Variants in SNTG1 observed in about 807,000 individuals in gnomAD.
SNTG1 encodes the protein gamma-1-syntrophin.
In SNTG1, 39 loss-of-function variants were observed where a neutral mutation model predicts 74.7. That is an observed-to-expected ratio of 0.52 (90% confidence interval 0.40 to 0.68). SNTG1 has a LOEUF of 0.68. Among genes scored for constraint, SNTG1 ranks in the 30% least tolerant of loss-of-function variants. The probability of loss-of-function intolerance (pLI) is 0.00; values close to 1 mark genes in which losing one functional copy is unlikely to be tolerated. For synonymous variants in SNTG1, 254 were observed against 217.1 expected (o/e 1.17, Z -1.49); for missense variants, 685 against 609.5 (o/e 1.12, Z -1.30).
intron 1 of SNTG1, among the ~76,000 whole-genome samples, chr8:49,990,478 C>A (rs933039321): frequency 5.9e-5 from 9 of 151,798 alleles, no homozygotes; most frequent in African/African-American, 2.2e-4. Flanking sequence ...CAAAAAAATC[C>A]CCTAAAAGAA....
chr8:50,182,992 C>A, intron 2 of SNTG1, among the ~76,000 whole-genome samples: 1 of 152,092 alleles, frequency 6.6e-6, no homozygotes, highest in Non-Finnish European at 1.5e-5. Context: ...TCACTGATGC[C>A]GCATACCAAG....
intron 4 of SNTG1, among the ~76,000 whole-genome samples, chr8:50,426,314 G>A (rs1458096398): frequency 1.3e-5 from 2 of 152,066 alleles, no homozygotes; most frequent in Non-Finnish European, 2.9e-5. Flanking sequence ...GGTCAATGAA[G>A]GGCCACATAT....
At chr8:50,207,350 G>A (rs995875344) in intron 2 of SNTG1, among the ~76,000 whole-genome samples, 1 of 152,148 alleles carries the variant, frequency 6.6e-6, no homozygotes, top group Admixed American at 6.5e-5. Flanking sequence ...TAGTTTATTT[G>A]CATAGAGGTG....
At chr8:50,346,365 C>A (rs2091477506) in intron 2 of SNTG1, among the ~76,000 whole-genome samples, 2 of 152,264 alleles carry the variant, frequency 1.3e-5, no homozygotes, top group Non-Finnish European at 2.9e-5. Flanking sequence ...ACAAACTGTG[C>A]CCGTATCAGA....
chr8:50,192,170 GT>G (rs1429980680), intron 2 of SNTG1, among the ~76,000 whole-genome samples: 1 of 152,108 alleles, frequency 6.6e-6, no homozygotes, highest in East Asian at 1.9e-4. Context: ...TTTTGTTGTT[GT>G]TTTGTTGTTT....
At chr8:50,265,608 G>A (rs900922550) in intron 2 of SNTG1, among the ~76,000 whole-genome samples, 1 of 151,968 alleles carries the variant, frequency 6.6e-6, no homozygotes, top group Non-Finnish European at 1.5e-5. Context: ...AATTTGACAG[G>A]AAGTTCTAGT....
intron 17 of SNTG1, among the ~76,000 whole-genome samples, chr8:50,750,887 C>T (rs1434227703): frequency 6.6e-6 from 1 of 151,834 alleles, no homozygotes; most frequent in Non-Finnish European, 1.5e-5. Flanking sequence ...TCCACAAAAG[C>T]CCTGAGGTAT....
chr8:49,933,054 T>A (rs901800036), intron 1 of SNTG1, among the ~76,000 whole-genome samples: 2 of 152,172 alleles, frequency 1.3e-5, no homozygotes, highest in East Asian at 3.9e-4. Context: ...CCCACTTTTT[T>A]ATTATTATGA....
intron 2 of SNTG1, among the ~76,000 whole-genome samples, chr8:50,263,971 C>T (rs371060102): frequency 6.6e-6 from 1 of 152,122 alleles, no homozygotes; most frequent in Admixed American, 6.5e-5. Flanking sequence ...AAAATTAAAA[C>T]CATCAATTGT....
chr8:50,790,207 C>T (rs907542209), intron 18 of SNTG1, among the ~76,000 whole-genome samples: 8 of 151,938 alleles, frequency 5.3e-5, no homozygotes, highest in African/African-American at 1.9e-4. Flanking sequence ...CATTTTGCCT[C>T]CTGTCACTGG....
chr8:49,946,666 T>C (rs1453140746), intron 1 of SNTG1, among the ~76,000 whole-genome samples: 2 of 152,170 alleles, frequency 1.3e-5, no homozygotes, highest in Non-Finnish European at 2.9e-5. Flanking sequence ...TCTCACAATA[T>C]TTTTTTGTAG....
At position 50,334,769 on chromosome 8, in the gene SNTG1, T is replaced by G. The variant is rs565561863; in HGVS notation, c.-27-59443T>G. On this transcript the variant is annotated intron_variant, in intron 2 of 18. Coordinates refer to ENST00000642720, the MANE Select transcript of SNTG1 (RefSeq NM_018967.5). ...GCTTTCCTTATAAGATTGTGTGGAT[T>G]AAATGGGATAATAGACTGAACAATA... Among the ~76,000 whole-genome samples the G allele has an allele frequency of 5.9e-5, 9 of 152,274 alleles. No individual in the cohort carries two copies. The East Asian group carries it at 1.7e-3, about 29-fold the overall frequency.
At chr8:50,639,819 C>T (rs1486741635) in intron 13 of SNTG1, among the ~76,000 whole-genome samples, 1 of 152,006 alleles carries the variant, frequency 6.6e-6, no homozygotes, top group Non-Finnish European at 1.5e-5. Context: ...ACAAATTATT[C>T]TAATGGGTTT....
intron 17 of SNTG1, among the ~76,000 whole-genome samples, chr8:50,746,918 A>G (rs927486773): frequency 6.7e-6 from 1 of 149,440 alleles, no homozygotes; most frequent in African/African-American, 2.4e-5. Flanking sequence ...CCTGCAAAAC[A>G]TCTTTAGACT....
rs145739550 is a variant in SNTG1, at chr8:50,051,239, GACACACACACAC to G, written c.-102-121302_-102-121291del. ...ACATTATCTTTAGATAGAAAATCTT[GACACACACACAC>G]ACACACACACACACACACAAACAAA... On this transcript the variant is annotated intron_variant, in intron 1 of 18. Coordinates refer to ENST00000642720, the MANE Select transcript of SNTG1 (RefSeq NM_018967.5). 6.1e-5 allele frequency among the ~76,000 whole-genome samples: 9 copies of G among 147,218 alleles called. No individual in the cohort carries two copies. In the East Asian group the frequency reaches 1.0e-3, roughly 16 times the overall value.
At chr8:50,083,698 T>G (rs1822615315) in intron 1 of SNTG1, among the ~76,000 whole-genome samples, 1 of 152,206 alleles carries the variant, frequency 6.6e-6, no homozygotes, top group South Asian at 2.1e-4. Context: ...AATGTTAATA[T>G]CCCTTGTGGT....
chr8:50,638,611 G>T (rs560137403), intron 13 of SNTG1, among the ~76,000 whole-genome samples: 1 of 152,036 alleles, frequency 6.6e-6, no homozygotes, highest in East Asian at 1.9e-4. Flanking sequence ...GATATATTCC[G>T]ATGAAGAATC....
At chr8:50,084,333 C>A (rs560006559) in intron 1 of SNTG1, among the ~76,000 whole-genome samples, 1 of 152,086 alleles carries the variant, frequency 6.6e-6, no homozygotes, top group East Asian at 1.9e-4. Flanking sequence ...TGGTAGTGGG[C>A]ACCTGTAGTC....
intron 1 of SNTG1, among the ~76,000 whole-genome samples, chr8:50,035,606 T>A (rs1009542395): frequency 2.0e-5 from 3 of 152,222 alleles, no homozygotes; most frequent in African/African-American, 7.2e-5. Flanking sequence ...TTTCAGTGTG[T>A]CCTCTGTGGT....
Sources: allele counts gnomAD v4.1 joint callset (sites outside exome capture counted in the v4.1 genomes callset), GRCh38; gene constraint gnomAD v4.1.1; transcripts MANE v1.5; gene names NCBI Gene and HGNC (gene_info 2026-07-23, HGNC 2026-07-21).